Variants in NRG3 observed in about 807,000 individuals in gnomAD.
NRG3 encodes the protein neuregulin 3.
Under a neutral mutation model 66.9 loss-of-function variants are expected in NRG3, and 31 were observed. The ratio of observed to expected loss-of-function variants is 0.46; its 90% confidence interval spans 0.35 to 0.63. The LOEUF (loss-of-function observed/expected upper bound fraction) is 0.63, where lower values mean the gene tolerates loss of function less well. NRG3 is among the 20% of genes least tolerant of loss of function. The probability of loss-of-function intolerance (pLI) is 0.00; values close to 1 mark genes in which losing one functional copy is unlikely to be tolerated. For synonymous variants in NRG3, 393 were observed against 359.4 expected, an observed-to-expected ratio of 1.09 and a Z score of -1.06; for missense variants, 910 against 878.9, an observed-to-expected ratio of 1.04 and a Z score of -0.45.
intron 1 of NRG3, among the ~76,000 whole-genome samples, chr10:82,180,134 T>TTG (rs572295169): frequency 2.6e-4 from 39 of 151,420 alleles, no homozygotes; most frequent in South Asian, 1.9e-3. Flanking sequence ...TGACAGGTTT[T>TTG]TGTGTGTGTG....
At position 82,202,452 on chromosome 10, in the gene NRG3, C is replaced by T. The variant is rs529113355; in HGVS notation, c.824-156287C>T. On this transcript the variant is annotated intron_variant, in intron 1 of 8. Coordinates refer to ENST00000372141, the MANE Select transcript of NRG3 (RefSeq NM_001010848.4). Reference sequence around the variant, plus strand: ...AAAAAAATCCAAAGTCCAAAGCGTGCGTAAGAGTCGTTGCCACTTTTGAGA... The same window carrying T: ...AAAAAAATCCAAAGTCCAAAGCGTGTGTAAGAGTCGTTGCCACTTTTGAGA... 5.3e-5 allele frequency among the ~76,000 whole-genome samples: 8 copies of T among 152,252 alleles called. No homozygotes were observed. The South Asian group carries it at 6.2e-4, about 12-fold the overall frequency.
At chr10:82,519,782 A>G (rs1221153862) in intron 2 of NRG3, among the ~76,000 whole-genome samples, 1 of 152,180 alleles carries the variant, frequency 6.6e-6, no homozygotes. Context: ...GGGGAGAAAG[A>G]TGAGTTGAAG....
intron 2 of NRG3, among the ~76,000 whole-genome samples, chr10:82,359,856 A>T (rs1238653080): frequency 6.6e-6 from 1 of 152,206 alleles, no homozygotes; most frequent in Non-Finnish European, 1.5e-5. Context: ...AAGATGGTGT[A>T]GAGAAATGCA....
chr10:82,947,631 G>A (rs1241257028), intron 4 of NRG3, among the ~76,000 whole-genome samples: 3 of 151,974 alleles, frequency 2.0e-5, no homozygotes, highest in Admixed American at 6.6e-5. Context: ...TCTAGCGGGG[G>A]TGCCATATAT....
At chr10:82,450,161 A>G (rs186300043) in intron 2 of NRG3, among the ~76,000 whole-genome samples, 25 of 152,336 alleles carry the variant, frequency 1.6e-4, no homozygotes, top group Non-Finnish European at 2.2e-4. Context: ...ACAAGTTCTC[A>G]TAAATCCTGC....
chr10:82,959,223 C>G (rs985817866), intron 6 of NRG3, 148 bp downstream of exon 6: 2 of 760,616 alleles, frequency 2.6e-6, no homozygotes, highest in Non-Finnish European at 3.8e-6. Context: ...TGGGCTGGGA[C>G]GTATGCACAC....
intron 3 of NRG3, among the ~76,000 whole-genome samples, chr10:82,854,655 A>G (rs564774345): frequency 7.2e-5 from 11 of 152,310 alleles, no homozygotes; most frequent in African/African-American, 2.6e-4. Flanking sequence ...GCCACTAAAT[A>G]TGAGCCTGAC....
chr10:82,399,812 A>C (rs1286641458), intron 2 of NRG3, among the ~76,000 whole-genome samples: 1 of 152,230 alleles, frequency 6.6e-6, no homozygotes, highest in Non-Finnish European at 1.5e-5. Context: ...CCAAAGCAGA[A>C]TCACAGACAA....
intron 2 of NRG3, among the ~76,000 whole-genome samples, chr10:82,446,109 G>C (rs1334724271): frequency 6.6e-6 from 1 of 152,104 alleles, no homozygotes; most frequent in Non-Finnish European, 1.5e-5. Context: ...CCAGCTTAAT[G>C]TCAGAATATC....
chr10:82,404,324 A>G (rs1181820052), intron 2 of NRG3, among the ~76,000 whole-genome samples: 1 of 152,164 alleles, frequency 6.6e-6, no homozygotes, highest in East Asian at 1.9e-4. Context: ...CGACCTTAGT[A>G]AGAAGCCTGG....
intron 1 of NRG3, among the ~76,000 whole-genome samples, chr10:82,353,685 G>A (rs1212959725): frequency 6.6e-6 from 1 of 152,094 alleles, no homozygotes; most frequent in Non-Finnish European, 1.5e-5. Flanking sequence ...CTAGTGATGG[G>A]GTACTATTTC....
chr10:82,071,023 A>G (rs2064777845), intron 1 of NRG3, among the ~76,000 whole-genome samples: 1 of 152,200 alleles, frequency 6.6e-6, no homozygotes, highest in South Asian at 2.1e-4. Flanking sequence ...TAATAAATGT[A>G]ATGTCCACCA....
rs185948169 is a variant in NRG3 at position 82,792,673 on chromosome 10, G to C, written c.1027+54023G>C. 4.5e-4 allele frequency among the ~76,000 whole-genome samples: 69 copies of C among 151,674 alleles called. 1 individual carries two copies. The highest frequency in any genetic ancestry group is 1.2e-3 in the Admixed American group (18 of 15,188). ...TAATTATTTTTTTATTTTAATTGAG[G>C]GTTTTTATTTATTTATTTATTTTTT... On this transcript the variant is annotated intron_variant, in intron 3 of 8. Coordinates refer to ENST00000372141, the MANE Select transcript of NRG3 (RefSeq NM_001010848.4).
chr10:82,615,874 A>T (rs1281469174), intron 2 of NRG3, among the ~76,000 whole-genome samples: 1 of 152,200 alleles, frequency 6.6e-6, no homozygotes, highest in Non-Finnish European at 1.5e-5. Flanking sequence ...TAATTCATGG[A>T]TGCTGATTAC....
chr10:82,732,618 A>G (rs1446751671), intron 2 of NRG3, among the ~76,000 whole-genome samples: 2 of 152,196 alleles, frequency 1.3e-5, no homozygotes, highest in African/African-American at 2.4e-5. Flanking sequence ...TTTCAAATTC[A>G]AATAATAATA....
chr10:82,928,787 C>A (rs1239313792), intron 4 of NRG3, among the ~76,000 whole-genome samples: 2 of 152,106 alleles, frequency 1.3e-5, no homozygotes, highest in African/African-American at 4.8e-5. Context: ...GTGTTTGGCC[C>A]CTGGGCTGTA....
chr10:82,377,988 T>G (rs1265952740), intron 2 of NRG3, among the ~76,000 whole-genome samples: 1 of 152,214 alleles, frequency 6.6e-6, no homozygotes, highest in Non-Finnish European at 1.5e-5. Flanking sequence ...GGCTAGGAAG[T>G]GAGAACAAAT....
chr10:82,856,134 A>G (rs1318833058), intron 3 of NRG3, among the ~76,000 whole-genome samples: 1 of 152,178 alleles, frequency 6.6e-6, no homozygotes, highest in African/African-American at 2.4e-5. Flanking sequence ...CTCAGAAGTG[A>G]CAGAGAACAG....
intron 1 of NRG3, among the ~76,000 whole-genome samples, chr10:82,264,716 T>C (rs2078210278): frequency 6.6e-6 from 1 of 151,802 alleles, no homozygotes; most frequent in Non-Finnish European, 1.5e-5. Flanking sequence ...AATCAGAAAA[T>C]GAGGACATCC....
Sources: allele counts gnomAD v4.1 joint callset (sites outside exome capture counted in the v4.1 genomes callset), GRCh38; gene constraint gnomAD v4.1.1; transcripts MANE v1.5; gene names NCBI Gene and HGNC (gene_info 2026-07-23, HGNC 2026-07-21).